Variants in CTNND2 observed in about 807,000 individuals in gnomAD.
CTNND2 encodes catenin delta 2, also known as catenin delta-2.
Under a neutral mutation model 144.4 loss-of-function variants are expected in CTNND2, and 22 were observed. The ratio of observed to expected loss-of-function variants is 0.15; its 90% confidence interval spans 0.11 to 0.22. The LOEUF (loss-of-function observed/expected upper bound fraction) is 0.22, where lower values mean the gene tolerates loss of function less well. CTNND2 is among the 10% of genes least tolerant of loss of function. The pLI is 1.00. For synonymous variants in CTNND2, 751 were observed against 695.6 expected (o/e 1.08, Z -1.25); for missense variants, 1,353 against 1,618.8 (o/e 0.84, Z 2.82).
rs113227083 is a variant in CTNND2 at position 11,585,588 on chromosome 5, A to G, written c.175-20532T>C. 7.9e-3 allele frequency among the ~76,000 whole-genome samples: 1,202 copies of G among 152,186 alleles called. 12 individuals carry two copies. Among genetic ancestry groups the G allele is most frequent in the African/African-American group, 0.028 (1,149 of 41,512 alleles). On this transcript the variant is annotated intron_variant, in intron 2 of 21. Coordinates refer to ENST00000304623, the MANE Select transcript of CTNND2 (RefSeq NM_001332.4). ...ACAGCCTAAGTGCTAGAAATGCATC[A>G]ATGAAAAAAATCAGACAAAAATCCC...
chr5:11,727,239 T>C (rs867028667), intron 2 of CTNND2, among the ~76,000 whole-genome samples: 14 of 152,192 alleles, frequency 9.2e-5, no homozygotes, highest in African/African-American at 3.1e-4. Context: ...ATGAACTTCA[T>C]AACTTTACAT....
chr5:11,514,023 TA>T (rs1401037501), intron 3 of CTNND2, among the ~76,000 whole-genome samples: 1 of 151,830 alleles, frequency 6.6e-6, no homozygotes, highest in Non-Finnish European at 1.5e-5. Flanking sequence ...TACAAAAATT[TA>T]AAAAAAGAAT....
chr5:11,195,298 C>T (rs1736749932), intron 11 of CTNND2, among the ~76,000 whole-genome samples: 1 of 152,052 alleles, frequency 6.6e-6, no homozygotes, highest in South Asian at 2.1e-4. Context: ...AAACATCACT[C>T]ATGTGTGAGG....
At chr5:11,302,107 C>T (rs1749673596) in intron 9 of CTNND2, among the ~76,000 whole-genome samples, 1 of 152,174 alleles carries the variant, frequency 6.6e-6, no homozygotes. Context: ...TTGACTTGTG[C>T]TTCTGGCTTT....
chr5:11,670,636 C>A (rs1003268198), intron 2 of CTNND2, among the ~76,000 whole-genome samples: 13 of 151,732 alleles, frequency 8.6e-5, no homozygotes, highest in African/African-American at 1.2e-4. Flanking sequence ...TTATTTTGAA[C>A]CTTCCATCCC....
intron 9 of CTNND2, among the ~76,000 whole-genome samples, chr5:11,291,284 T>G (rs974607194): frequency 1.3e-5 from 2 of 152,182 alleles, no homozygotes; most frequent in Non-Finnish European, 2.9e-5. Flanking sequence ...AAATATATTT[T>G]CCCATCATTC....
At chr5:11,251,177 AGAACTTGAGTTTCCT>A (rs1743609794) in intron 9 of CTNND2, among the ~76,000 whole-genome samples, 1 of 152,234 alleles carries the variant, frequency 6.6e-6, no homozygotes. Flanking sequence ...TTGACTTTAT[AGAACTTGAGTTTCCT>A]GAACTTTATG....
chr5:11,097,898 A>G (rs781482098), intron 15 of CTNND2, among the ~76,000 whole-genome samples: 1 of 152,200 alleles, frequency 6.6e-6, no homozygotes, highest in Non-Finnish European at 1.5e-5. Flanking sequence ...TATGCAACAA[A>G]GCAAATTAGC....
At chr5:11,392,412 T>C (rs1460376151) in intron 6 of CTNND2, among the ~76,000 whole-genome samples, 1 of 152,228 alleles carries the variant, frequency 6.6e-6, no homozygotes, top group South Asian at 2.1e-4. Flanking sequence ...GATTTCTTGA[T>C]GGCAACTCTT....
intron 1 of CTNND2, among the ~76,000 whole-genome samples, chr5:11,827,375 T>C (rs373624995): frequency 5.3e-5 from 8 of 152,208 alleles, no homozygotes; most frequent in African/African-American, 1.9e-4. Flanking sequence ...GCCAGAAAGA[T>C]TGCAAGTCAA....
intron 2 of CTNND2, among the ~76,000 whole-genome samples, chr5:11,673,349 T>C (rs1159262420): frequency 6.6e-6 from 1 of 152,236 alleles, no homozygotes; most frequent in African/African-American, 2.4e-5. Context: ...TAGATATAGC[T>C]ATTATTACGC....
chr5:11,235,050 C>T (rs535533380), intron 10 of CTNND2, among the ~76,000 whole-genome samples: 1 of 152,274 alleles, frequency 6.6e-6, no homozygotes, highest in South Asian at 2.1e-4. Flanking sequence ...GTAAGTGACA[C>T]CTTTTCAGGC....
At position 11,238,623 on chromosome 5, in the gene CTNND2, T is replaced by C. The variant is rs146325836; in HGVS notation, c.1629-1800A>G. On this transcript the variant is annotated intron_variant, in intron 9 of 21. Transcript: ENST00000304623. The stretch of plus-strand genomic sequence containing the variant: ...AATGGCTTCGTTTTTATTGGAAAGA[T>C]AAAGCATTCTATTTAATGTGCACTG... 7.2e-5 allele frequency among the ~76,000 whole-genome samples: 11 copies of C among 152,310 alleles called. No individual in the cohort carries two copies. In the East Asian group the frequency reaches 2.1e-3, roughly 29 times the overall value.
intron 9 of CTNND2, among the ~76,000 whole-genome samples, chr5:11,329,477 C>G (rs759898302): frequency 6.6e-6 from 1 of 152,132 alleles, no homozygotes; most frequent in Non-Finnish European, 1.5e-5. Flanking sequence ...CTCTTTAAAG[C>G]CTTATCTCCA....
At chr5:11,293,908 G>C (rs1748622544) in intron 9 of CTNND2, among the ~76,000 whole-genome samples, 1 of 150,654 alleles carries the variant, frequency 6.6e-6, no homozygotes, top group Non-Finnish European at 1.5e-5. Flanking sequence ...CTGTGTATTG[G>C]AAGCAATAAT....
intron 15 of CTNND2, among the ~76,000 whole-genome samples, chr5:11,087,771 T>G (rs1750333459): frequency 6.6e-6 from 1 of 152,264 alleles, no homozygotes; most frequent in South Asian, 2.1e-4. Context: ...CTGTTGTTTC[T>G]TTGTCTGAAT....
intron 2 of CTNND2, among the ~76,000 whole-genome samples, chr5:11,691,312 C>T (rs879670399): frequency 6.6e-6 from 1 of 151,650 alleles, no homozygotes; most frequent in Non-Finnish European, 1.5e-5. Flanking sequence ...TTGGAGCTTG[C>T]AGTGAGCCGA....
At chr5:11,477,352 G>A (rs946369063) in intron 3 of CTNND2, among the ~76,000 whole-genome samples, 4 of 151,314 alleles carry the variant, frequency 2.6e-5, no homozygotes, top group Admixed American at 1.3e-4. Flanking sequence ...CTCAACCCAA[G>A]GAAAAATGTT....
At chr5:11,543,823 T>C (rs1774972910) in intron 3 of CTNND2, among the ~76,000 whole-genome samples, 1 of 152,204 alleles carries the variant, frequency 6.6e-6, no homozygotes, top group Admixed American at 6.5e-5. Flanking sequence ...AGACCAATAA[T>C]TTAGTTCAAA....
Sources: allele counts gnomAD v4.1 joint callset (sites outside exome capture counted in the v4.1 genomes callset), GRCh38; gene constraint gnomAD v4.1.1; transcripts MANE v1.5; gene names NCBI Gene and HGNC (gene_info 2026-07-23, HGNC 2026-07-21).